SHANK2: variants seen among roughly 807,000 people sequenced by gnomAD.
SHANK2 encodes SH3 and multiple ankyrin repeat domains protein 2.
SHANK2 carries 43 observed loss-of-function variants against 133.7 expected under a neutral mutation model. That is an observed-to-expected ratio of 0.32 (90% CI 0.25 to 0.41). The LOEUF is 0.41. SHANK2 is among the 10% of genes least tolerant of loss of function. The pLI is 1.00. For missense variants in SHANK2, 1,994 were observed against 2,235.8 expected, an observed-to-expected ratio of 0.89 and a Z score of 2.18; for synonymous variants, 1,017 against 952.8, an observed-to-expected ratio of 1.07 and a Z score of -1.24.
intron 17 of SHANK2, among the ~76,000 whole-genome samples, chr11:70,522,143 T>C (rs1273511466): frequency 1.3e-5 from 2 of 152,200 alleles, no homozygotes; most frequent in Non-Finnish European, 2.9e-5. Context: ...TGTACCAGCT[T>C]TCCCCACCAC....
At chr11:70,564,235 T>C (rs1391834993) in intron 17 of SHANK2, among the ~76,000 whole-genome samples, 1 of 152,180 alleles carries the variant, frequency 6.6e-6, no homozygotes, top group Non-Finnish European at 1.5e-5. Context: ...CCCTCATTAT[T>C]TCTTCAAATA....
At chr11:70,682,164 G>A (rs1275428283) in intron 15 of SHANK2, among the ~76,000 whole-genome samples, 1 of 152,162 alleles carries the variant, frequency 6.6e-6, no homozygotes, top group Admixed American at 6.5e-5. Flanking sequence ...CCACAAGGCC[G>A]GGCCAGGGCT....
chr11:70,679,155 G>A (rs1166103642), intron 15 of SHANK2, among the ~76,000 whole-genome samples: 3 of 152,214 alleles, frequency 2.0e-5, no homozygotes, highest in African/African-American at 4.8e-5. Flanking sequence ...GGCCGGGTAC[G>A]CACACCATGC....
At chr11:71,124,551 A>G (rs370361467) in intron 3 of SHANK2, among the ~76,000 whole-genome samples, 22 of 152,168 alleles carry the variant, frequency 1.4e-4, no homozygotes, top group East Asian at 1.4e-3. Flanking sequence ...ATTACTGTTT[A>G]TATAATAATA....
chr11:71,136,357 A>G (rs1322581953), intron 3 of SHANK2, among the ~76,000 whole-genome samples: 5 of 152,242 alleles, frequency 3.3e-5, no homozygotes, highest in Non-Finnish European at 5.9e-5. Context: ...ATGGAACTGG[A>G]GACCATTATC....
intron 14 of SHANK2, among the ~76,000 whole-genome samples, chr11:70,771,437 C>T (rs905184521): frequency 1.3e-5 from 2 of 152,178 alleles, no homozygotes; most frequent in South Asian, 2.1e-4. Flanking sequence ...ATGGAGATGC[C>T]CAGTGGCAGC....
At chr11:70,748,410 C>T (rs1946686864) in intron 14 of SHANK2, among the ~76,000 whole-genome samples, 1 of 152,120 alleles carries the variant, frequency 6.6e-6, no homozygotes, top group African/African-American at 2.4e-5. Context: ...GTCCCCTGCC[C>T]ACCCCCACAA....
At chr11:70,502,374 G>A (rs1555158919) in intron 18 of SHANK2, 88 bp from the exon 19 acceptor site, 1 of 1,308,302 alleles carries the variant, frequency 7.6e-7, no homozygotes, top group African/African-American at 1.5e-5. Flanking sequence ...GTGGCTGGCA[G>A]GTGGGTCTCA....
At chr11:71,107,314 C>T (rs1951816373) in intron 6 of SHANK2, among the ~76,000 whole-genome samples, 1 of 152,188 alleles carries the variant, frequency 6.6e-6, no homozygotes, top group Admixed American at 6.5e-5. Context: ...GTCCCAGACC[C>T]TGGCCCCGTG....
intron 11 of SHANK2, among the ~76,000 whole-genome samples, chr11:70,861,189 G>T (rs1379924131): frequency 6.6e-6 from 1 of 152,214 alleles, no homozygotes; most frequent in Non-Finnish European, 1.5e-5. Flanking sequence ...CAGTTGGAAG[G>T]TCATGTTTAA....
chr11:70,524,566 C>T (rs920329002), intron 17 of SHANK2, among the ~76,000 whole-genome samples: 3 of 152,196 alleles, frequency 2.0e-5, no homozygotes, highest in East Asian at 1.9e-4. Flanking sequence ...ATGCACAGCC[C>T]GTCCTCAGGC....
intron 17 of SHANK2, among the ~76,000 whole-genome samples, chr11:70,599,952 AAAGAAAGAAAGAAAG>A (rs1554990590): frequency 8.3e-5 from 11 of 132,812 alleles, no homozygotes; most frequent in Non-Finnish European, 1.6e-5. Flanking sequence ...AGAAAGAAAG[AAAGAAAGAAAGAAAG>A]AAAGAAAATG....
chr11:71,142,042 TAAGAC>T (rs1443401194), intron 3 of SHANK2, among the ~76,000 whole-genome samples: 5 of 148,960 alleles, frequency 3.4e-5, no homozygotes, highest in Admixed American at 1.3e-4. Flanking sequence ...AGGACAAAAA[TAAGAC>T]AGAAAACCTA....
At chr11:70,477,008 T>C (rs1413669961) in intron 25 of SHANK2, among the ~76,000 whole-genome samples, 1 of 152,240 alleles carries the variant, frequency 6.6e-6, no homozygotes, top group Non-Finnish European at 1.5e-5. Flanking sequence ...GGATTGATTT[T>C]GGTTTTTGTA....
At chr11:71,204,274 G>T (rs1954082907) in intron 2 of SHANK2, among the ~76,000 whole-genome samples, 1 of 152,224 alleles carries the variant, frequency 6.6e-6, no homozygotes, top group African/African-American at 2.4e-5. Flanking sequence ...ATCTGGAAGG[G>T]GCGTGCTCAC....
intron 2 of SHANK2, among the ~76,000 whole-genome samples, chr11:71,192,533 C>A (rs1248893278): frequency 1.3e-5 from 2 of 152,150 alleles, no homozygotes; most frequent in African/African-American, 4.8e-5. Context: ...CCCAGGCTGT[C>A]CCCACTGTAA....
chr11:70,661,018 T>C (rs1428171605), intron 16 of SHANK2, among the ~76,000 whole-genome samples: 1 of 152,176 alleles, frequency 6.6e-6, no homozygotes, highest in Non-Finnish European at 1.5e-5. Context: ...TTCCTGAGCC[T>C]CCCACGACGG....
intron 10 of SHANK2, chr11:70,948,166 G>A (rs368260574): frequency 6.1e-5 from 25 of 407,100 alleles, no homozygotes; most frequent in Middle Eastern, 3.6e-4. Context: ...AGCCGCCCTC[G>A]GCTCCCAGCG....
rs914875560 is a variant in SHANK2 at position 70,614,371 on chromosome 11, C to T, written c.2061+45457G>A. On this transcript the variant is annotated intron_variant, in intron 17 of 25. Coordinates refer to ENST00000601538, the MANE Select transcript of SHANK2 (RefSeq NM_012309.5). ...TGTTATTGGGGCTGGAGTGCAGTGGCGTGATCTCAGCTCACTGTAACCTCC... is the reference window on the plus strand; with the variant it reads ...TGTTATTGGGGCTGGAGTGCAGTGGTGTGATCTCAGCTCACTGTAACCTCC... Among the ~76,000 whole-genome samples, 9 of 149,436 alleles carry T rather than the reference C, an allele frequency of 6.0e-5. No individual in the cohort carries two copies. In the South Asian group the frequency reaches 1.3e-3, roughly 21 times the overall value.
Sources: allele counts gnomAD v4.1 joint callset (sites outside exome capture counted in the v4.1 genomes callset), GRCh38; gene constraint gnomAD v4.1.1; transcripts MANE v1.5; gene names NCBI Gene and HGNC (gene_info 2026-07-23, HGNC 2026-07-21).